Variants in ZMAT1 observed in about 807,000 individuals in gnomAD.
ZMAT1 encodes the protein zinc finger matrin-type 1, also known as zinc finger matrin-type protein 1.
A neutral mutation model predicts 18.5 loss-of-function variants in ZMAT1; 11 were observed. That is an observed-to-expected ratio of 0.59 (90% CI 0.37 to 0.98). The LOEUF (loss-of-function observed/expected upper bound fraction) is 0.98. ZMAT1 is among the 50% of genes least tolerant of loss of function. The pLI, the probability that ZMAT1 is intolerant of heterozygous loss-of-function variation, is 0.01. For missense variants in ZMAT1, 525 were observed against 496.2 expected (o/e 1.06, Z -0.55); for synonymous variants, 211 against 176.4 (o/e 1.20, Z -1.55).
intron 1 of ZMAT1, chrX:101,918,463 C>CACACACACACAA (rs1236314148): frequency 9.4e-6 from 1 of 106,240 alleles, no homozygotes; most frequent in African/African-American, 3.5e-5. Context: ...CACACACACA[C>CACACACACACAA]ACACACACAC....
At chrX:101,895,683 C>A in intron 4 of ZMAT1, 2 of 130,959 alleles carry the variant, frequency 1.5e-5, no homozygotes, top group Non-Finnish European at 2.7e-5. Context: ...TTTTTTTTTT[C>A]CCAACATAAT....
intron 1 of ZMAT1, among the ~76,000 whole-genome samples, chrX:101,921,708 C>A (rs1040751099): frequency 1.8e-5 from 2 of 111,547 alleles, no homozygotes; most frequent in African/African-American, 6.5e-5. Context: ...GGAATATATA[C>A]GGAAGCAAAA....
intron 2 of ZMAT1, among the ~76,000 whole-genome samples, chrX:101,903,177 G>C (rs1928369737): frequency 9.0e-6 from 1 of 111,372 alleles, no homozygotes; most frequent in Non-Finnish European, 1.9e-5. Flanking sequence ...CTAAATCTTT[G>C]ATCTATGGAG....
chrX:101,921,614 A>G (rs749726848), intron 1 of ZMAT1, among the ~76,000 whole-genome samples: 25 of 112,269 alleles, frequency 2.2e-4, no homozygotes, highest in African/African-American at 7.7e-4. Flanking sequence ...TGTGACTAAG[A>G]ACATATCACA....
At chrX:101,888,533 C>T (rs963667030) in intron 4 of ZMAT1, 2 of 111,307 alleles carry the variant, frequency 1.8e-5, no homozygotes, top group Admixed American at 9.6e-5. Flanking sequence ...AAATCAGAAT[C>T]TCTAGGAGTG....
chrX:101,911,821 A>C (rs1928988072), intron 1 of ZMAT1: 1 of 1,205,709 alleles, frequency 8.3e-7, no homozygotes, highest in Admixed American at 2.2e-5. Flanking sequence ...ACACCAAGGA[A>C]AAGCCCTATC....
chrX:101,907,654 AAT>A (rs781567858), intron 1 of ZMAT1, among the ~76,000 whole-genome samples: 1 of 112,480 alleles, frequency 8.9e-6, no homozygotes, highest in South Asian at 3.7e-4. Context: ...ACTTCAAAAA[AAT>A]AGAGAATTTA....
intron 4 of ZMAT1, 58 bp downstream of exon 4, chrX:101,897,810 A>G (rs1435248408): frequency 1.1e-5 from 12 of 1,078,158 alleles, no homozygotes; most frequent in Middle Eastern, 2.5e-4. Context: ...TGGCAGAGTT[A>G]GACAAAACAT....
intron 1 of ZMAT1, among the ~76,000 whole-genome samples, chrX:101,907,922 C>T (rs1459735579): frequency 9.0e-6 from 1 of 111,282 alleles, no homozygotes; most frequent in East Asian, 2.8e-4. Context: ...AGCAGGAGTA[C>T]CTATACCTAT....
intron 2 of ZMAT1, among the ~76,000 whole-genome samples, chrX:101,902,152 G>T (rs1223397505): frequency 9.8e-5 from 11 of 111,719 alleles, no homozygotes; most frequent in Non-Finnish European, 2.1e-4. Context: ...AGTGTTATTA[G>T]ATTTTAATTT....
chrX:101,903,554 C>T (rs1197404797), intron 2 of ZMAT1, among the ~76,000 whole-genome samples: 1 of 110,150 alleles, frequency 9.1e-6, no homozygotes, highest in African/African-American at 3.3e-5. Flanking sequence ...AACCTAGATA[C>T]CAGATATGAA....
At chrX:101,922,321 A>G (rs888278342) in intron 1 of ZMAT1, among the ~76,000 whole-genome samples, 9 of 111,511 alleles carry the variant, frequency 8.1e-5, no homozygotes, top group African/African-American at 6.5e-5. Flanking sequence ...CACACAGTTG[A>G]TAAGTGTCAA....
chrX:101,904,406 T>C (rs1461357748), intron 1 of ZMAT1, 76 bp from the exon 2 acceptor site: 1 of 766,803 alleles, frequency 1.3e-6, no homozygotes, highest in East Asian at 3.6e-5. Flanking sequence ...TCCTCAACTA[T>C]ATATGATTTC....
At chrX:101,925,006 G>A (rs2147681788) in intron 1 of ZMAT1, among the ~76,000 whole-genome samples, 1 of 111,863 alleles carries the variant, frequency 8.9e-6, no homozygotes, top group South Asian at 3.7e-4. Flanking sequence ...AGTTTATGGT[G>A]TGCATATTTT....
At position 101,931,887 on chromosome X, in the gene ZMAT1, G is replaced by A; in HGVS notation, c.122C>T (p.Ala41Val). 1.3e-6 allele frequency: 1 copy of A among 796,780 alleles called. No homozygotes were observed. The highest frequency in any genetic ancestry group is 1.5e-6 in the Non-Finnish European group (1 of 670,053). The allele number at this position is 796,780 out of a possible 1,213,427, so 65.7% of individuals were successfully genotyped here. A position where few individuals can be genotyped will look rare whatever the true frequency, so the allele number is the denominator to read the frequency against. The change falls in exon 1 of 6, where the codon GCG becomes GTG. Residue 41 changes from alanine (A) to valine (V), a missense_variant. Physicochemically the swap from Ala to Val is moderately conservative, Grantham distance 64. Transcript: ENST00000651725. Reference protein sequence around the residue: ...TACAAAAAAAAAAAVIVPASS... With the variant: ...TACAAAAAAAVAAAVIVPASS... ...GGCAGGAACAATTACTGCCGCCGCCGCCGCCGCCGCCGCCGCTGCCGCGCA... is the reference window on the plus strand; with the variant it reads ...GGCAGGAACAATTACTGCCGCCGCCACCGCCGCCGCCGCCGCTGCCGCGCA...
At chrX:101,904,443 G>A in intron 1 of ZMAT1, 113 bp from the exon 2 acceptor site, 3 of 550,176 alleles carry the variant, frequency 5.5e-6, no homozygotes, top group Non-Finnish European at 8.5e-6. Flanking sequence ...TTGAGTGCTT[G>A]TGAGGCTACA....
intron 1 of ZMAT1, among the ~76,000 whole-genome samples, chrX:101,904,721 C>T (rs187045031): frequency 7.5e-4 from 83 of 110,436 alleles, no homozygotes; most frequent in African/African-American, 2.7e-3. Context: ...GGTAGGAGGA[C>T]CACTTGAGGT....
intron 1 of ZMAT1, among the ~76,000 whole-genome samples, chrX:101,913,653 A>G (rs1488389331): frequency 8.9e-6 from 1 of 111,808 alleles, no homozygotes; most frequent in Non-Finnish European, 1.9e-5. Context: ...ACAATTTTAA[A>G]TAGATATGCA....
intron 4 of ZMAT1, among the ~76,000 whole-genome samples, chrX:101,896,275 G>A (rs1927797468): frequency 8.9e-6 from 1 of 111,908 alleles, no homozygotes; most frequent in South Asian, 3.7e-4. Context: ...CATTTGTGAT[G>A]TCTGCATCAG....
Sources: gnomAD v4.1 joint callset for allele counts (sites outside exome capture counted in the v4.1 genomes callset) on GRCh38, gnomAD v4.1.1 for gene constraint, MANE v1.5 for transcripts, NCBI Gene and HGNC (gene_info 2026-07-23, HGNC 2026-07-21) for gene names.